Variants in RB1CC1 observed in about 807,000 individuals in gnomAD.
The protein encoded by RB1CC1 is RB1 inducible coiled-coil 1.
Under a neutral mutation model 177.5 loss-of-function variants are expected in RB1CC1, and 46 were observed. The ratio of observed to expected loss-of-function variants is 0.26; its 90% CI spans 0.20 to 0.33. The LOEUF (loss-of-function observed/expected upper bound fraction) is 0.33. Among genes scored for constraint, RB1CC1 ranks in the 10% least tolerant of loss-of-function variants. The pLI is 1.00. For synonymous variants in RB1CC1, 666 were observed against 613.6 expected, an observed-to-expected ratio of 1.09 and a Z score of -1.26; for missense variants, 1,703 against 1,816.3, an observed-to-expected ratio of 0.94 and a Z score of 1.13.
At chr8:52,670,446 A>C (rs1286610107) in intron 7 of RB1CC1, among the ~76,000 whole-genome samples, 4 of 152,222 alleles carry the variant, frequency 2.6e-5, no homozygotes, top group Non-Finnish European at 5.9e-5. Flanking sequence ...TTTTTAACTG[A>C]GAAAGAAACT....
At position 52,637,718 on chromosome 8, in the gene RB1CC1, C is replaced by T. The variant is rs184869896; in HGVS notation, c.4338-1649G>A. Among the ~76,000 whole-genome samples the T allele has an allele frequency of 6.3e-3, 949 of 151,512 alleles. 11 individuals are homozygous for T. Among genetic ancestry groups the T allele is most frequent in the African/African-American group, 0.022 (921 of 41,000 alleles). ...TTTTTGAGACAGAGTCTTGTTCTGT[C>T]ACCCAGGATGGAGGGCAGGGTCGCA... On this transcript the variant is annotated intron_variant, in intron 18 of 23. Coordinates refer to ENST00000025008, the MANE Select transcript of RB1CC1 (RefSeq NM_014781.5).
At chr8:52,711,303 A>C (rs1166117241) in intron 1 of RB1CC1, among the ~76,000 whole-genome samples, 2 of 152,212 alleles carry the variant, frequency 1.3e-5, no homozygotes, top group Non-Finnish European at 2.9e-5. Context: ...TCAGGACCCT[A>C]AACAATGGGG....
At chr8:52,700,841 G>A (rs747566779) in intron 1 of RB1CC1, among the ~76,000 whole-genome samples, 1 of 152,114 alleles carries the variant, frequency 6.6e-6, no homozygotes, top group Non-Finnish European at 1.5e-5. Flanking sequence ...GATATTCAAG[G>A]TTTTCTTATT....
chr8:52,652,763 A>G (rs916350155), intron 15 of RB1CC1, among the ~76,000 whole-genome samples: 1 of 152,186 alleles, frequency 6.6e-6, no homozygotes, highest in African/African-American at 2.4e-5. Context: ...GACCTTTAAA[A>G]AACAAGTTTG....
intron 15 of RB1CC1, among the ~76,000 whole-genome samples, chr8:52,652,842 G>A (rs1418579075): frequency 6.6e-6 from 1 of 152,082 alleles, no homozygotes; most frequent in Non-Finnish European, 1.5e-5. Flanking sequence ...TGGATCACCT[G>A]AGGTCAGGAG....
chr8:52,667,716 A>G (rs1355532427), intron 8 of RB1CC1, among the ~76,000 whole-genome samples: 1 of 152,170 alleles, frequency 6.6e-6, no homozygotes, highest in African/African-American at 2.4e-5. Context: ...CCTTCGTCCT[A>G]TGGGGGGTAG....
At chr8:52,702,679 G>A (rs1856187078) in intron 1 of RB1CC1, among the ~76,000 whole-genome samples, 1 of 152,070 alleles carries the variant, frequency 6.6e-6, no homozygotes, top group African/African-American at 2.4e-5. Flanking sequence ...GCATGCCACT[G>A]CATTCCAGCT....
intron 15 of RB1CC1, among the ~76,000 whole-genome samples, chr8:52,651,179 T>C (rs1190921117): frequency 6.6e-6 from 1 of 152,220 alleles, no homozygotes; most frequent in Non-Finnish European, 1.5e-5. Context: ...ACGGGTGTAA[T>C]GACCACAGAT....
intron 1 of RB1CC1, among the ~76,000 whole-genome samples, chr8:52,710,295 G>T (rs192924387): frequency 6.6e-6 from 1 of 152,044 alleles, no homozygotes; most frequent in Non-Finnish European, 1.5e-5. Context: ...CTAAATATAC[G>T]CCTTGTCTAC....
At chr8:52,707,044 T>C (rs1416636975) in intron 1 of RB1CC1, among the ~76,000 whole-genome samples, 1 of 152,182 alleles carries the variant, frequency 6.6e-6, no homozygotes, top group African/African-American at 2.4e-5. Context: ...TATATTCAAG[T>C]CCTGGCCCAA....
chr8:52,700,040 G>C (rs549553435), intron 1 of RB1CC1, among the ~76,000 whole-genome samples: 2 of 151,626 alleles, frequency 1.3e-5, no homozygotes, highest in Non-Finnish European at 2.9e-5. Flanking sequence ...GCCTATACAA[G>C]AGCTATGTGC....
At chr8:52,680,768 A>G (rs961468752) in intron 5 of RB1CC1, among the ~76,000 whole-genome samples, 3 of 152,198 alleles carry the variant, frequency 2.0e-5, no homozygotes, top group African/African-American at 7.2e-5. Context: ...TCTCAGGAAC[A>G]TCATGTTGCG....
At chr8:52,637,896 C>T (rs1025826148) in intron 18 of RB1CC1, among the ~76,000 whole-genome samples, 1 of 152,122 alleles carries the variant, frequency 6.6e-6, no homozygotes, top group Non-Finnish European at 1.5e-5. Flanking sequence ...ATCTTGAACT[C>T]CTGACCTCAG....
chr8:52,699,481 CCTAT>C (rs1402035379), intron 1 of RB1CC1, among the ~76,000 whole-genome samples: 1 of 151,738 alleles, frequency 6.6e-6, no homozygotes, highest in Non-Finnish European at 1.5e-5. Flanking sequence ...TCTTCTATTG[CCTAT>C]CTTTCTGTGT....
chr8:52,698,809 G>A (rs940639950), intron 1 of RB1CC1, among the ~76,000 whole-genome samples: 1 of 148,274 alleles, frequency 6.7e-6, no homozygotes, highest in South Asian at 2.2e-4. Flanking sequence ...TCCTGCCTCA[G>A]CCTCGGAGTA....
intron 14 of RB1CC1, 36 bp from the exon 15 acceptor site, chr8:52,657,944 G>T (rs765458016): frequency 3.7e-6 from 6 of 1,612,542 alleles, no homozygotes; most frequent in Non-Finnish European, 4.2e-6. Context: ...AGAGCTGCAG[G>T]AACACAAACA....
intron 13 of RB1CC1, among the ~76,000 whole-genome samples, chr8:52,658,508 T>C (rs1590997258): frequency 7.5e-6 from 1 of 134,008 alleles, no homozygotes; most frequent in Non-Finnish European, 1.5e-5. Flanking sequence ...ACATGGGAGG[T>C]GAAGGTTGCA....
At chr8:52,646,054 C>T (rs980130956) in intron 15 of RB1CC1, among the ~76,000 whole-genome samples, 187 bp from the exon 16 acceptor site, 1 of 152,146 alleles carries the variant, frequency 6.6e-6, no homozygotes, top group Admixed American at 6.6e-5. Context: ...AGATTAGATG[C>T]TGACACTAAC....
chr8:52,637,956 C>A (rs2150397762), intron 18 of RB1CC1, among the ~76,000 whole-genome samples: 1 of 152,286 alleles, frequency 6.6e-6, no homozygotes, highest in Admixed American at 6.5e-5. Context: ...CAGGCATGAG[C>A]CACTGCGCCT....
Sources: allele counts gnomAD v4.1 joint callset (sites outside exome capture counted in the v4.1 genomes callset), GRCh38; gene constraint gnomAD v4.1.1; transcripts MANE v1.5; gene names NCBI Gene and HGNC (gene_info 2026-07-23, HGNC 2026-07-21).